The following ERCC2 variants were observed in gnomAD, a reference collection of about 807,000 sequenced individuals.
ERCC2 encodes ERCC excision repair 2, TFIIH core complex helicase subunit.
A neutral mutation model predicts 99.4 loss-of-function variants in ERCC2; 90 were observed. The ratio of observed to expected loss-of-function variants is 0.91; its 90% CI spans 0.76 to 1.08. The LOEUF is 1.08. Ranked by LOEUF, ERCC2 falls within the 50% of genes least tolerant of loss-of-function variation. The probability of loss-of-function intolerance (pLI) is 0.00; values close to 1 mark genes in which losing one functional copy is unlikely to be tolerated. For missense variants in ERCC2, 993 were observed against 1,038.1 expected (o/e 0.96, Z 0.60); for synonymous variants, 497 against 432.4 (o/e 1.15, Z -1.85).
intron 1 of ERCC2, 89 bp downstream of exon 1, chr19:45,370,447 C>T: frequency 6.6e-7 from 1 of 1,516,808 alleles, no homozygotes; most frequent in East Asian, 2.5e-5. Context: ...CCCCTCGCCC[C>T]CTTGGGGACC....
intron 17 of ERCC2, 66 bp downstream of exon 17, chr19:45,354,664 C>G (rs1971950358): frequency 6.3e-7 from 1 of 1,599,986 alleles, no homozygotes. Flanking sequence ...AGGAATGAAG[C>G]TGACATAGCG....
rs758846386 is a variant in ERCC2, at chr19:45,350,964, G to C, written c.*665C>G. 1.2e-6 allele frequency: 2 copies of C among 1,614,132 alleles called. No individual in the cohort carries two copies. The highest frequency in any genetic ancestry group is 2.2e-5 in the South Asian group (2 of 91,090). On this transcript the variant is annotated 3_prime_UTR_variant, in exon 23 of 23. Transcript: ENST00000391945. Reference sequence around the variant, plus strand: ...CTGCCCTCTTTGCAGAATGAAGAGAGCCATGTCACTCAACACACTGAACGT... The same window carrying C: ...CTGCCCTCTTTGCAGAATGAAGAGACCCATGTCACTCAACACACTGAACGT...
At position 45,357,341 on chromosome 19, in the gene ERCC2, T is replaced by C; in HGVS notation, c.1408A>G (p.Ile470Val). 3.1e-6 allele frequency: 5 copies of C among 1,613,968 alleles called. No individual in the cohort carries two copies. Among genetic ancestry groups the C allele is most frequent in the Non-Finnish European group, 4.2e-6 (5 of 1,179,950 alleles). Residue 470 changes from isoleucine to valine, a missense_variant, in exon 15 of 23, where the codon ATC (isoleucine) becomes GTC (valine). Physicochemically the swap from Ile to Val is conservative, Grantham distance 29. Transcript: ENST00000391945. ...ATGGTGACGGGGTGGAAGTCCAGGA[T>C]CTTGGGGTAGATGTCCAGCGGGGAC... is the stretch of plus-strand genomic sequence containing the variant. ...TLSPLDIYPK[I>V]LDFHPVTMAT... is the part of the protein sequence containing the mutation.
At chr19:45,362,735 C>T (rs574229462) in intron 11 of ERCC2, among the ~76,000 whole-genome samples, 10 of 152,368 alleles carry the variant, frequency 6.6e-5, no homozygotes, top group Admixed American at 4.6e-4. Context: ...GAGATCCCCT[C>T]TTTGCCCTCA....
chr19:45,366,735 C>T (rs1972436068), intron 5 of ERCC2, among the ~76,000 whole-genome samples: 1 of 152,162 alleles, frequency 6.6e-6, no homozygotes, highest in Admixed American at 6.6e-5. Flanking sequence ...GTCACCGAGG[C>T]CTGTGCTCTT....
chr19:45,355,155 G>A (rs1484869827), intron 16 of ERCC2, among the ~76,000 whole-genome samples: 2 of 152,226 alleles, frequency 1.3e-5, no homozygotes, highest in Non-Finnish European at 2.9e-5. Context: ...TCAGGAGTTT[G>A]AGATCAGCCT....
chr19:45,356,899 C>T (rs188284016), intron 15 of ERCC2, among the ~76,000 whole-genome samples: 207 of 152,258 alleles, frequency 1.4e-3, no homozygotes, highest in Admixed American at 2.2e-3. Context: ...GAGACGGAGA[C>T]GGAGAGGAAG....
intron 1 of ERCC2, 47 bp downstream of exon 1, chr19:45,370,489 G>A: frequency 2.2e-6 from 3 of 1,389,478 alleles, no homozygotes; most frequent in East Asian, 3.2e-5. Context: ...CCATCTTCAA[G>A]ACCCCCCGCG....
chr19:45,349,932 G>C lies in ERCC2; in HGVS notation c.*1697C>G. On this transcript the variant is annotated 3_prime_UTR_variant, in exon 23 of 23. Coordinates refer to ENST00000391945, the MANE Select transcript of ERCC2 (RefSeq NM_000400.4). ...TTCTTATAGCGTCCCTATGAGGTGG[G>C]AGCTGTCGCTCCACTTTGCGTGTGG... is the stretch of plus-strand genomic sequence containing the variant. The C allele has an allele frequency of 2.4e-6, 1 of 420,852 alleles. No homozygotes were observed. Among genetic ancestry groups the C allele is most frequent in the South Asian group, 3.8e-5 (1 of 26,290 alleles). 26.1% of individuals were successfully genotyped at this position (420,852 alleles called of 1,614,324 possible). A position where few individuals can be genotyped will look rare whatever the true frequency, so the allele number is the denominator to read the frequency against.
Position 45,353,165 on chromosome 19 carries a change from G to A in ERCC2, c.1759-10C>T. 1 of 1,613,902 alleles carries A rather than the reference G, an allele frequency of 6.2e-7. No homozygotes were observed. Reference sequence around the variant, plus strand: ...GGCCATTCTCGCAGGCCTGAGGTGGGGAGACCGAGACGCAAGTTAGGTCAC... The same window carrying A: ...GGCCATTCTCGCAGGCCTGAGGTGGAGAGACCGAGACGCAAGTTAGGTCAC... On this transcript the variant is annotated splice_polypyrimidine_tract_variant and intron_variant, in intron 18 of 22. Transcript: ENST00000391945.
chr19:45,369,658 T>C (rs1258658120), intron 2 of ERCC2, among the ~76,000 whole-genome samples: 2 of 152,170 alleles, frequency 1.3e-5, no homozygotes, highest in Middle Eastern at 3.2e-3. Context: ...TTTGGCACAG[T>C]AGCTGATATA....
chr19:45,353,950 T>G (rs917509196), intron 17 of ERCC2, among the ~76,000 whole-genome samples: 2 of 152,176 alleles, frequency 1.3e-5, no homozygotes, highest in Admixed American at 6.5e-5. Flanking sequence ...GGCAAAGGTG[T>G]CTTAAGTAGG....
In ERCC2 at chr19:45,353,102, C is replaced by A. The variant is rs1971878802; in HGVS notation, c.1812G>T (p.Val604=). 7 of 1,613,408 alleles carry A rather than the reference C, an allele frequency of 4.3e-6. No homozygotes were observed. The highest frequency in any genetic ancestry group is 5.9e-6 in the Non-Finnish European group (7 of 1,179,834). ...ACTCACCAAAGTCGATTCCCTCGGA[C>A]ACTTTGCCCCGGGCCACTGACAGCA... The part of the protein sequence containing the change: ...AILLSVARGK[V]SEGIDFVHHY... Residue 604 remains valine, a synonymous_variant, in exon 19 of 23, where the codon GTG becomes GTT. Coordinates refer to ENST00000391945, the MANE Select transcript of ERCC2 (RefSeq NM_000400.4).
chr19:45,357,902 C>T, intron 12 of ERCC2: 1 of 621,936 alleles, frequency 1.6e-6, no homozygotes, highest in Non-Finnish European at 2.9e-6. Context: ...CGCTTCGGGC[C>T]CACACCTGTG....
In ERCC2 at chr19:45,354,763, G is replaced by A. The variant is rs147605089; in HGVS notation, c.1632C>T (p.Tyr544=). ...GIVAFFTSYQ[Y]MESTVASWYE... is the part of the protein sequence containing the mutation. ...ACCAGGAGGCCACGGTGCTCTCCAT[G>A]TACTGGTAGCTGGTGAAGAAGGCCA... Residue 544 remains tyrosine, a synonymous_variant, in exon 17 of 23, where the codon TAC becomes TAT. Transcript: ENST00000391945. The A allele has an allele frequency of 2.5e-4, 407 of 1,614,104 alleles. No individual in the cohort carries two copies. In the African/African-American group the frequency reaches 4.8e-3, roughly 19 times the overall value.
At position 45,363,492 on chromosome 19, in the gene ERCC2, T is replaced by C. The variant is rs62112766; in HGVS notation, c.1118+251A>G. Among the ~76,000 whole-genome samples, 2,145 of 152,208 alleles carry C rather than the reference T, an allele frequency of 0.014. 23 individuals carry two copies. The highest frequency in any genetic ancestry group is 0.037 in the Middle Eastern group (11 of 294). ...CTGTAAATGGTGCTCCCACTCTCTC[T>C]TGGGTGGGGGAGATTCTCCAATCCA... On this transcript the variant is annotated intron_variant, in intron 11 of 22. Transcript: ENST00000391945.
rs1402404894 is a variant in ERCC2, at chr19:45,360,313, AC to A, written c.1237+1210del. 2.0e-5 allele frequency among the ~76,000 whole-genome samples: 3 copies of A among 148,600 alleles called. No individual in the cohort carries two copies. In the East Asian group the frequency reaches 5.9e-4, roughly 29 times the overall value. Reference sequence around the variant, plus strand: ...TAGCCAGGATGGTCTTGATCTCCTGACCTCGAGATCCGCCCGCCTCGGCCTC... The same window carrying A: ...TAGCCAGGATGGTCTTGATCTCCTGACTCGAGATCCGCCCGCCTCGGCCTC... On this transcript the variant is annotated intron_variant, in intron 12 of 22. Coordinates refer to ENST00000391945, the MANE Select transcript of ERCC2 (RefSeq NM_000400.4).
At chr19:45,356,317 T>C (rs1413933217) in intron 15 of ERCC2, among the ~76,000 whole-genome samples, 2 of 152,174 alleles carry the variant, frequency 1.3e-5, no homozygotes, top group Admixed American at 1.3e-4. Context: ...TTTTTCAAGT[T>C]TGGCACAAAC....
At chr19:45,369,264 C>T in intron 2 of ERCC2, 117 bp from the exon 3 acceptor site, 1 of 813,060 alleles carries the variant, frequency 1.2e-6, no homozygotes, top group Non-Finnish European at 2.1e-6. Context: ...GATAACACAG[C>T]AGCAGTTAAG....
Sources: gnomAD v4.1 joint callset for allele counts (sites outside exome capture counted in the v4.1 genomes callset) on GRCh38, gnomAD v4.1.1 for gene constraint, MANE v1.5 for transcripts, NCBI Gene and HGNC (gene_info 2026-07-23, HGNC 2026-07-21) for gene names.